Variants in DPYSL5 observed in about 807,000 individuals in gnomAD.
DPYSL5 encodes dihydropyrimidinase like 5, also known as dihydropyrimidinase-related protein 5.
In DPYSL5, 9 loss-of-function variants were observed where a neutral mutation model predicts 58.4. The ratio of observed to expected loss-of-function variants is 0.15; its 90% confidence interval spans 0.09 to 0.27. The LOEUF (loss-of-function observed/expected upper bound fraction) is 0.27. DPYSL5 is among the 10% of genes least tolerant of loss of function. The probability of loss-of-function intolerance (pLI) is 1.00; values close to 1 mark genes in which losing one functional copy is unlikely to be tolerated. For missense variants in DPYSL5, 499 were observed against 770.6 expected (o/e 0.65, Z 4.17); for synonymous variants, 293 against 301.9 (o/e 0.97, Z 0.31).
chr2:26,924,993 A>T lies in DPYSL5; in HGVS notation c.368A>T (p.Lys123Met). ...AAGTGCCGAGGTCTGGCCGACCCCA[A>T]GGTCTGCTGTGATTACGCCCTCCAC... is the stretch of plus-strand genomic sequence containing the variant. The part of the protein sequence containing the change: ...YEKCRGLADP[K>M]VCCDYALHVG... The change falls in exon 3 of 13, where the codon AAG becomes ATG. Residue 123 changes from lysine to methionine, a missense_variant. Coordinates refer to ENST00000288699, the MANE Select transcript of DPYSL5 (RefSeq NM_020134.4). The surrounding 1 kb of genome is among the most constrained non-coding windows in gnomAD (Gnocchi z 4.7). 1 of 1,614,146 alleles carries T rather than the reference A, an allele frequency of 6.2e-7. No homozygotes were observed. Among genetic ancestry groups the T allele is most frequent in the Non-Finnish European group, 8.5e-7 (1 of 1,180,012 alleles).
intron 2 of DPYSL5, among the ~76,000 whole-genome samples, chr2:26,909,187 T>G (rs967138034): frequency 2.6e-5 from 4 of 152,216 alleles, no homozygotes; most frequent in Non-Finnish European, 2.9e-5. Flanking sequence ...TTGTTTCTTG[T>G]TGACTAAAAC....
intron 6 of DPYSL5, among the ~76,000 whole-genome samples, chr2:26,932,264 G>T (rs1316512123): frequency 1.3e-5 from 2 of 152,104 alleles, no homozygotes; most frequent in Admixed American, 6.5e-5. Context: ...GCCCCATTCT[G>T]CTCTGGGTGC....
Position 26,931,199 on chromosome 2 carries a change from G to GTATATATATATATA in DPYSL5, c.670-440_670-439insATATATATATATAT, listed in dbSNP as rs1287075956. ...TGTGTGTGTGTGTGTGTGTGTGTGT[G>GTATATATATATATA]TGTGTATATATATATATATATATAT... On this transcript the variant is annotated intron_variant, in intron 5 of 12. Coordinates refer to ENST00000288699, the MANE Select transcript of DPYSL5 (RefSeq NM_020134.4). 7.7e-3 allele frequency among the ~76,000 whole-genome samples: 407 copies of GTATATATATATATA among 52,592 alleles called. 3 individuals carry two copies. Among genetic ancestry groups the GTATATATATATATA allele is most frequent in the Non-Finnish European group, 0.012 (282 of 23,372 alleles). 34.5% of individuals were successfully genotyped at this position (52,592 alleles called of 152,430 possible). A position where few individuals can be genotyped will look rare whatever the true frequency, so the allele number is the denominator to read the frequency against.
chr2:26,909,942 A>G (rs1036243824), intron 2 of DPYSL5, among the ~76,000 whole-genome samples: 6 of 152,226 alleles, frequency 3.9e-5, no homozygotes, highest in African/African-American at 1.2e-4. Flanking sequence ...ATTTTGACAT[A>G]TACATACATC....
Position 26,905,519 on chromosome 2 carries a change from C to G in DPYSL5, c.261+6759C>G, listed in dbSNP as rs1468807215. 6.6e-6 allele frequency among the ~76,000 whole-genome samples: 1 copy of G among 152,170 alleles called. No individual in the cohort carries two copies. The highest frequency in any genetic ancestry group is 2.4e-5 in the African/African-American group (1 of 41,448). ...CTTGGCCAGCAGGCACCCTGGCAGG[C>G]CTTCTCTGGGAATCGGCCCTCACCT... is the stretch of plus-strand genomic sequence containing the variant. On this transcript the variant is annotated intron_variant, in intron 2 of 12. Transcript: ENST00000288699. This position sits in a 1 kb window ranked among gnomAD's most constrained non-coding sequence, Gnocchi z 4.0.
chr2:26,895,584 T>C (rs1558335723), intron 1 of DPYSL5, among the ~76,000 whole-genome samples: 1 of 152,126 alleles, frequency 6.6e-6, no homozygotes, highest in Non-Finnish European at 1.5e-5. Context: ...GTTAGAACAC[T>C]TGATAGCCAT....
rs1664862802 is a variant in DPYSL5, at chr2:26,927,729, C to T, written c.600+297C>T. ...CATTATAGCAGAGAATTTGGAGCAC[C>T]TCTCAGACATATTTTTAATGAGATT... On this transcript the variant is annotated intron_variant, in intron 4 of 12. Transcript: ENST00000288699. This position sits in a 1 kb window ranked among gnomAD's most constrained non-coding sequence, Gnocchi z 4.3. 6.6e-6 allele frequency among the ~76,000 whole-genome samples: 1 copy of T among 152,104 alleles called. No homozygotes were observed. The highest frequency in any genetic ancestry group is 1.5e-5 in the Non-Finnish European group (1 of 68,026).
chr2:26,872,187 G>A (rs1029203865), intron 1 of DPYSL5, among the ~76,000 whole-genome samples: 3 of 152,200 alleles, frequency 2.0e-5, no homozygotes, highest in Non-Finnish European at 2.9e-5. Context: ...AGGAGAGCAG[G>A]GAGCATGAGT....
chr2:26,922,043 C>T (rs868003958), intron 2 of DPYSL5, among the ~76,000 whole-genome samples: 13 of 152,200 alleles, frequency 8.5e-5, no homozygotes, highest in African/African-American at 3.1e-4. Flanking sequence ...CCTCCAACAA[C>T]TTGTACCCCT....
At chr2:26,899,815 G>A (rs1664109509) in intron 2 of DPYSL5, among the ~76,000 whole-genome samples, 1 of 152,184 alleles carries the variant, frequency 6.6e-6, no homozygotes, top group Admixed American at 6.5e-5. Flanking sequence ...GGCTACACCT[G>A]CTCACTCTAG....
chr2:26,876,418 G>A (rs1046526775), intron 1 of DPYSL5, among the ~76,000 whole-genome samples: 8 of 152,214 alleles, frequency 5.3e-5, no homozygotes, highest in Non-Finnish European at 1.0e-4. Context: ...AGCATGATAA[G>A]CTTGGTTTTA....
intron 9 of DPYSL5, among the ~76,000 whole-genome samples, chr2:26,941,040 G>A (rs757989903): frequency 1.4e-4 from 21 of 151,712 alleles, no homozygotes; most frequent in Non-Finnish European, 1.9e-4. Context: ...GGGTTCAAGC[G>A]GTTCTCCTGC....
intron 2 of DPYSL5, among the ~76,000 whole-genome samples, chr2:26,899,583 C>A (rs1664102747): frequency 6.6e-6 from 1 of 152,192 alleles, no homozygotes; most frequent in Admixed American, 6.5e-5. Context: ...ACTAGAGTAG[C>A]TGTCCCGTAA....
chr2:26,940,780 A>G (rs1358528579), intron 9 of DPYSL5, among the ~76,000 whole-genome samples: 1 of 151,464 alleles, frequency 6.6e-6, no homozygotes, highest in Admixed American at 6.6e-5. Context: ...GCTGAATGAT[A>G]TTTTCTCCAA....
In DPYSL5 at chr2:26,933,461, C is replaced by G; in HGVS notation, c.790+128C>G. 1.3e-6 allele frequency: 1 copy of G among 793,494 alleles called. No individual in the cohort carries two copies. The highest frequency in any genetic ancestry group is 2.1e-6 in the Non-Finnish European group (1 of 474,126). The allele number at this position is 793,494 out of a possible 1,614,324, so 49.2% of individuals were successfully genotyped here. A position where few individuals can be genotyped will look rare whatever the true frequency, so the allele number is the denominator to read the frequency against. On this transcript the variant is annotated intron_variant, in intron 7 of 12. Transcript: ENST00000288699. The surrounding 1 kb of genome is among the most constrained non-coding windows in gnomAD (Gnocchi z 4.2). The stretch of plus-strand genomic sequence containing the variant: ...AGGACCTGAGCCAGCCCTTCCCTTT[C>G]ATCTGCCACCGTCTTCCTCAGAGCT...
rs748365033 is a variant in DPYSL5, at chr2:26,924,946, C to T, written c.321C>T (p.Thr107=). 2.8e-5 allele frequency: 45 copies of T among 1,614,078 alleles called. No homozygotes were observed. The South Asian group carries it at 3.7e-4, about 13-fold the overall frequency. The change falls in exon 3 of 13, where the codon ACC becomes ACT. Residue 107 remains threonine (T), a synonymous_variant. Coordinates refer to ENST00000288699, the MANE Select transcript of DPYSL5 (RefSeq NM_020134.4). The surrounding 1 kb of genome is among the most constrained non-coding windows in gnomAD (Gnocchi z 4.7). Reference sequence around the variant, plus strand: ...GCCACGTCCTGCCCGACAAGGAGACCTCCCTTGTGGACGCTTATGAGAAGT... The same window carrying T: ...GCCACGTCCTGCCCGACAAGGAGACTTCCCTTGTGGACGCTTATGAGAAGT... ...IIGHVLPDKE[T]SLVDAYEKCR...
At chr2:26,939,895 TG>T in intron 8 of DPYSL5, 135 bp from the exon 9 acceptor site, 1 of 1,156,032 alleles carries the variant, frequency 8.7e-7, no homozygotes, top group Non-Finnish European at 1.3e-6. Context: ...ACAGACCACA[TG>T]GCCTAAGCGG....
At chr2:26,909,983 C>T (rs1664393195) in intron 2 of DPYSL5, among the ~76,000 whole-genome samples, 1 of 152,112 alleles carries the variant, frequency 6.6e-6, no homozygotes. Context: ...TAAACATATC[C>T]ACCATTCCTG....
intron 1 of DPYSL5, among the ~76,000 whole-genome samples, chr2:26,873,357 C>T (rs781492559): frequency 8.3e-4 from 127 of 152,142 alleles, no homozygotes; most frequent in Non-Finnish European, 2.9e-4. Flanking sequence ...CACCTCCGCT[C>T]GTGCTCCCCC....
Sources: gnomAD v4.1 joint callset for allele counts (sites outside exome capture counted in the v4.1 genomes callset) on GRCh38, gnomAD v4.1.1 for gene constraint, Gnocchi (gnomAD v3.1) non-coding constraint, MANE v1.5 for transcripts, NCBI Gene and HGNC (gene_info 2026-07-23, HGNC 2026-07-21) for gene names.